GCFC2: variants seen among roughly 807,000 people sequenced by gnomAD.
GCFC2 encodes the protein intron Large complex component GCFC2.
GCFC2 carries 102 observed loss-of-function variants against 99.4 expected under a neutral mutation model. The observed-to-expected ratio is 1.03, with a 90% CI of 0.87 to 1.21. The LOEUF is 1.21. GCFC2 is among the 50% of genes most tolerant of loss of function. GCFC2 has a pLI of 0.00. For missense variants in GCFC2, 973 were observed against 920.9 expected, an observed-to-expected ratio of 1.06 and a Z score of -0.73; for synonymous variants, 338 against 316.8, an observed-to-expected ratio of 1.07 and a Z score of -0.71.
At chr2:75,698,316 A>G (rs1459994050) in intron 4 of GCFC2, among the ~76,000 whole-genome samples, 3 of 152,220 alleles carry the variant, frequency 2.0e-5, no homozygotes, top group Non-Finnish European at 4.4e-5. Context: ...TTACAAAGGA[A>G]TAGTTCAAAA....
At chr2:75,687,713 C>A in intron 11 of GCFC2, 114 bp downstream of exon 11, 1 of 847,566 alleles carries the variant, frequency 1.2e-6, no homozygotes. Flanking sequence ...CTACATATAA[C>A]ATTTCCTTGA....
upstream of GCFC2, chr2:75,711,177 G>A: frequency 1.0e-6 from 1 of 985,312 alleles, no homozygotes; most frequent in Non-Finnish European, 1.2e-6. Flanking sequence ...CTGTCCTTGT[G>A]CAAACCCCAT....
Position 75,706,592 on chromosome 2 carries a change from T to C in GCFC2, c.325A>G (p.Ser109Gly), listed in dbSNP as rs747618455. Reference sequence around the variant, plus strand: ...GAAGACAAACCCTGATCATCCTTACTTTCTGAGGAGTGATGTATTTTATCC... The same window carrying C: ...GAAGACAAACCCTGATCATCCTTACCTTCTGAGGAGTGATGTATTTTATCC... ...EEDKIHHSSE[S>G]KDDQGLSSDS... The change falls in exon 2 of 17, where the codon AGT (serine) becomes GGT (glycine). Residue 109 changes from serine to glycine, a missense_variant. Transcript: ENST00000321027. The C allele has an allele frequency of 6.3e-7, 1 of 1,597,334 alleles. No individual in the cohort carries two copies. Among genetic ancestry groups the C allele is most frequent in the Non-Finnish European group, 8.6e-7 (1 of 1,164,802 alleles).
intron 2 of GCFC2, among the ~76,000 whole-genome samples, chr2:75,705,109 C>G (rs1480678707): frequency 2.6e-5 from 4 of 152,160 alleles, no homozygotes; most frequent in African/African-American, 9.7e-5. Context: ...TGACTAGTGG[C>G]TACCATATGG....
At chr2:75,694,499 T>G in intron 5 of GCFC2, 72 bp from the exon 6 acceptor site, 1 of 552,820 alleles carries the variant, frequency 1.8e-6, no homozygotes, top group Non-Finnish European at 2.8e-6. Flanking sequence ...GTAAATATTT[T>G]CAAAGACCAC....
intron 8 of GCFC2, 199 bp downstream of exon 8, chr2:75,690,439 C>G: frequency 1.8e-6 from 1 of 541,280 alleles, no homozygotes; most frequent in Non-Finnish European, 3.2e-6. Flanking sequence ...TTACCCATTC[C>G]TTTTAACTGA....
Position 75,687,823 on chromosome 2 carries a change from G to T in GCFC2, c.1690+4C>A. 6.3e-7 allele frequency: 1 copy of T among 1,598,890 alleles called. No homozygotes were observed. The highest frequency in any genetic ancestry group is 8.5e-7 in the Non-Finnish European group (1 of 1,171,692). On this transcript the variant is annotated splice_donor_region_variant and intron_variant, in intron 11 of 16. Transcript: ENST00000321027. Reference sequence around the variant, plus strand: ...TTAATTTTACCAAGGTTACGAAGCAGTACCTGTAAGTCGGGGAATAATTGT... The same window carrying T: ...TTAATTTTACCAAGGTTACGAAGCATTACCTGTAAGTCGGGGAATAATTGT...
intron 3 of GCFC2, 76 bp downstream of exon 3, chr2:75,702,123 C>T (rs767853914): frequency 6.5e-7 from 1 of 1,536,702 alleles, no homozygotes; most frequent in South Asian, 1.2e-5. Context: ...CAGCATATTA[C>T]ATTTTTTATG....
chr2:75,677,601 G>A (rs1189156639), intron 12 of GCFC2, among the ~76,000 whole-genome samples: 1 of 152,188 alleles, frequency 6.6e-6, no homozygotes, highest in African/African-American at 2.4e-5. Context: ...ATGTAGTGCT[G>A]AGACTGAAAA....
chr2:75,694,713 G>C (rs975813210), intron 5 of GCFC2, among the ~76,000 whole-genome samples: 2 of 152,042 alleles, frequency 1.3e-5, no homozygotes, highest in Non-Finnish European at 2.9e-5. Flanking sequence ...TGTATAGTAG[G>C]CATTATTAAT....
chr2:75,701,728 A>G (rs1680600694), intron 3 of GCFC2: 1 of 321,658 alleles, frequency 3.1e-6, no homozygotes, highest in African/African-American at 2.2e-5. Context: ...ATTTAAAGTT[A>G]CCAAAACCTT....
chr2:75,673,720 T>C (rs1366372446), intron 12 of GCFC2, among the ~76,000 whole-genome samples, 200 bp from the exon 13 acceptor site: 1 of 152,258 alleles, frequency 6.6e-6, no homozygotes, highest in East Asian at 1.9e-4. Context: ...CATTGCTATA[T>C]AGTATTTTGT....
rs375560842 is a variant in GCFC2 at position 75,672,033 on chromosome 2, G to C, written c.1890-17C>G. 3 of 1,409,144 alleles carry C rather than the reference G, an allele frequency of 2.1e-6. No individual in the cohort carries two copies. Among genetic ancestry groups the C allele is most frequent in the East Asian group, 2.3e-5 (1 of 43,268 alleles). 87.3% of individuals were successfully genotyped at this position (1,409,144 alleles called of 1,614,324 possible). ...TCTACAGCACTAATTAGAAACAAAC[G>C]AAAGAGAAGAGAAAATGCAAAGAAC... is the stretch of plus-strand genomic sequence containing the variant. On this transcript the variant is annotated splice_polypyrimidine_tract_variant and intron_variant, in intron 13 of 16. Transcript: ENST00000321027.
intron 12 of GCFC2, among the ~76,000 whole-genome samples, chr2:75,676,119 G>C (rs1212892324): frequency 1.3e-5 from 2 of 152,022 alleles, no homozygotes; most frequent in African/African-American, 4.8e-5. Context: ...TTTGCGTATC[G>C]GATTGCGTAA....
rs1678729996 is a variant in GCFC2 at position 75,664,251 on chromosome 2, G to A, written c.*415C>T. On this transcript the variant is annotated 3_prime_UTR_variant, in exon 17 of 17. Coordinates refer to ENST00000321027, the MANE Select transcript of GCFC2 (RefSeq NM_003203.5). ...ACTTAGCAAATAATTCACTCCAACT[G>A]AGATTTTCATATTGACTTATTTTTA... 1 of 152,564 alleles carries A rather than the reference G, an allele frequency of 6.6e-6. No individual in the cohort carries two copies. The highest frequency in any genetic ancestry group is 2.4e-5 in the African/African-American group (1 of 41,458). The allele number at this position is 152,564 out of a possible 1,614,324, so 9.5% of individuals were successfully genotyped here.
intron 16 of GCFC2, among the ~76,000 whole-genome samples, chr2:75,665,151 ATT>A (rs530564605): frequency 6.9e-6 from 1 of 144,468 alleles, no homozygotes; most frequent in Non-Finnish European, 1.5e-5. Flanking sequence ...TACAAATCTG[ATT>A]TTTTTTTTTT....
intron 14 of GCFC2, among the ~76,000 whole-genome samples, chr2:75,671,011 T>C (rs1454955530): frequency 1.3e-5 from 2 of 152,208 alleles, no homozygotes; most frequent in Admixed American, 1.3e-4. Flanking sequence ...TTAAAACTAC[T>C]CTTGGTGAGG....
chr2:75,702,107 G>T, intron 3 of GCFC2, 92 bp downstream of exon 3: 1 of 1,518,218 alleles, frequency 6.6e-7, no homozygotes, highest in Non-Finnish European at 8.8e-7. Context: ...ACTATAAAAT[G>T]TGAGCCAGCA....
Position 75,700,899 on chromosome 2 carries a change from T to C in GCFC2, c.717+291A>G, listed in dbSNP as rs544084487. On this transcript the variant is annotated intron_variant, in intron 4 of 16. Coordinates refer to ENST00000321027, the MANE Select transcript of GCFC2 (RefSeq NM_003203.5). Reference sequence around the variant, plus strand: ...GTATCCTTACGAGAAAAACACACAGTAGAGACATGGAAAAAGCCACGTGAA... The same window carrying C: ...GTATCCTTACGAGAAAAACACACAGCAGAGACATGGAAAAAGCCACGTGAA... Among the ~76,000 whole-genome samples, 5 of 152,162 alleles carry C rather than the reference T, an allele frequency of 3.3e-5. No homozygotes were observed. The East Asian group carries it at 9.7e-4, about 29-fold the overall frequency.
Sources: allele counts gnomAD v4.1 joint callset (sites outside exome capture counted in the v4.1 genomes callset), GRCh38; gene constraint gnomAD v4.1.1; transcripts MANE v1.5; gene names NCBI Gene and HGNC (gene_info 2026-07-23, HGNC 2026-07-21).